OSBPL8: variants seen among roughly 807,000 people sequenced by gnomAD.
OSBPL8 encodes oxysterol-binding protein-related protein 8.
Under a neutral mutation model 125.5 loss-of-function variants are expected in OSBPL8, and 59 were observed. The ratio of observed to expected loss-of-function variants is 0.47; its 90% CI spans 0.38 to 0.58. The LOEUF (loss-of-function observed/expected upper bound fraction) is 0.58, where lower values mean the gene tolerates loss of function less well. Ranked by LOEUF, OSBPL8 falls within the 20% of genes least tolerant of loss-of-function variation. The pLI, the probability that OSBPL8 is intolerant of heterozygous loss-of-function variation, is 0.00. For missense variants in OSBPL8, 758 were observed against 1,047.8 expected (o/e 0.72, Z 3.82); for synonymous variants, 330 against 338.9 (o/e 0.97, Z 0.29).
At chr12:76,378,374 A>G (rs1952909077) in intron 16 of OSBPL8, 78 bp downstream of exon 16, 1 of 993,884 alleles carries the variant, frequency 1.0e-6, no homozygotes, top group Non-Finnish European at 1.5e-6. Context: ...ATCAATCACA[A>G]AGCATAACAA....
chr12:76,453,829 T>TA (rs1049830786), intron 3 of OSBPL8, among the ~76,000 whole-genome samples: 14 of 151,030 alleles, frequency 9.3e-5, no homozygotes, highest in South Asian at 6.3e-4. Context: ...AGAATGTTCT[T>TA]AAAAAAAAAC....
At chr12:76,413,601 C>T (rs1040089449) in intron 4 of OSBPL8, among the ~76,000 whole-genome samples, 5 of 152,092 alleles carry the variant, frequency 3.3e-5, no homozygotes, top group Admixed American at 6.5e-5. Flanking sequence ...TCTCCATAAC[C>T]GTAGTAACTT....
chr12:76,432,077 A>C (rs746804653), intron 4 of OSBPL8, among the ~76,000 whole-genome samples: 1 of 152,242 alleles, frequency 6.6e-6, no homozygotes, highest in Admixed American at 6.5e-5. Flanking sequence ...AAAAGTATCA[A>C]CTACTTACTG....
At chr12:76,438,389 A>G (rs370141043) in intron 4 of OSBPL8, among the ~76,000 whole-genome samples, 2 of 151,506 alleles carry the variant, frequency 1.3e-5, no homozygotes, top group East Asian at 3.9e-4. Flanking sequence ...TGCAACATCA[A>G]CCTTCCTGTA....
At chr12:76,378,042 G>A (rs1192977634) in intron 16 of OSBPL8, among the ~76,000 whole-genome samples, 3 of 152,024 alleles carry the variant, frequency 2.0e-5, no homozygotes, top group African/African-American at 7.2e-5. Flanking sequence ...CCAAATGAGG[G>A]TGAGAAAAAT....
At chr12:76,480,570 A>C (rs1296148765) in intron 2 of OSBPL8, among the ~76,000 whole-genome samples, 1 of 152,248 alleles carries the variant, frequency 6.6e-6, no homozygotes, top group Non-Finnish European at 1.5e-5. Context: ...TTATTTTAAC[A>C]TGAGAAAATA....
intron 3 of OSBPL8, among the ~76,000 whole-genome samples, chr12:76,451,277 C>T (rs970296894): frequency 1.3e-5 from 2 of 151,786 alleles, no homozygotes; most frequent in African/African-American, 4.8e-5. Context: ...TACTGTGTGC[C>T]TTTCATTGTG....
chr12:76,528,071 C>A (rs532391963), intron 1 of OSBPL8, among the ~76,000 whole-genome samples: 1 of 152,138 alleles, frequency 6.6e-6, no homozygotes, highest in Admixed American at 6.5e-5. Flanking sequence ...ACCTGTAATC[C>A]CAGCACTTTG....
intron 1 of OSBPL8, among the ~76,000 whole-genome samples, chr12:76,521,136 C>A (rs192619894): frequency 6.6e-6 from 1 of 152,194 alleles, no homozygotes; most frequent in African/African-American, 2.4e-5. Context: ...CACTAACTCA[C>A]CACTCAGCAT....
Position 76,546,656 on chromosome 12 carries a change from C to T in OSBPL8, c.-68+12741G>A, listed in dbSNP as rs573029656. On this transcript the variant is annotated intron_variant, in intron 1 of 23. Transcript: ENST00000261183. Reference sequence around the variant, plus strand: ...TAATAGAAGGAATAAAGGATTCAATCGGTCAACAAGAAATTAATCATGACA... The same window carrying T: ...TAATAGAAGGAATAAAGGATTCAATTGGTCAACAAGAAATTAATCATGACA... Among the ~76,000 whole-genome samples, 107 of 152,060 alleles carry T rather than the reference C, an allele frequency of 7.0e-4. 2 individuals are homozygous for T. In the South Asian group the frequency reaches 0.019, roughly 27 times the overall value.
intron 17 of OSBPL8, 100 bp from the exon 18 acceptor site, chr12:76,373,533 ACAGTACTATTGAATG>A (rs1952698675): frequency 1.3e-6 from 1 of 751,718 alleles, no homozygotes. Context: ...TTGTATAGTT[ACAGTACTATTGAATG>A]CACAAGCAGT....
intron 2 of OSBPL8, among the ~76,000 whole-genome samples, chr12:76,483,660 C>CTTTTTTTTTTT (rs869202382): frequency 3.5e-5 from 2 of 57,454 alleles, no homozygotes; most frequent in African/African-American, 8.0e-5. Flanking sequence ...CTGTAATAGT[C>CTTTTTTTTTTT]TTTTTTTTTT....
At chr12:76,406,429 T>G (rs916459242) in intron 5 of OSBPL8, among the ~76,000 whole-genome samples, 2 of 152,220 alleles carry the variant, frequency 1.3e-5, no homozygotes, top group African/African-American at 4.8e-5. Flanking sequence ...CAAAAACTCC[T>G]TATCCTTTTA....
intron 1 of OSBPL8, among the ~76,000 whole-genome samples, chr12:76,497,735 T>C (rs1879427411): frequency 6.6e-6 from 1 of 152,188 alleles, no homozygotes. Context: ...TAAGGTCCTT[T>C]TTTACTGTAC....
rs190050539 is a variant in OSBPL8, at chr12:76,459,308, T to C, written c.79+551A>G. On this transcript the variant is annotated intron_variant, in intron 3 of 23. Coordinates refer to ENST00000261183, the MANE Select transcript of OSBPL8 (RefSeq NM_020841.5). Reference sequence around the variant, plus strand: ...TTTATTCATTATGTACCTCCAAAAGTTGGCAGTGGCTGCCACTCCCTGCCC... The same window carrying C: ...TTTATTCATTATGTACCTCCAAAAGCTGGCAGTGGCTGCCACTCCCTGCCC... Among the ~76,000 whole-genome samples, 13 of 152,310 alleles carry C rather than the reference T, an allele frequency of 8.5e-5. No individual in the cohort carries two copies. The East Asian group carries it at 2.5e-3, about 29-fold the overall frequency.
At chr12:76,492,031 A>G (rs891836386) in intron 1 of OSBPL8, among the ~76,000 whole-genome samples, 30 of 152,138 alleles carry the variant, frequency 2.0e-4, no homozygotes, top group African/African-American at 7.2e-4. Context: ...CATGGAGCCT[A>G]TATTCTGGAA....
chr12:76,365,363 C>T (rs554758192), intron 21 of OSBPL8, among the ~76,000 whole-genome samples: 5 of 152,130 alleles, frequency 3.3e-5, no homozygotes, highest in Non-Finnish European at 7.4e-5. Flanking sequence ...CTTCCAGCTT[C>T]TTGGTTAAAT....
At chr12:76,504,143 CAG>C (rs1228749135) in intron 1 of OSBPL8, among the ~76,000 whole-genome samples, 2 of 150,902 alleles carry the variant, frequency 1.3e-5, no homozygotes, top group African/African-American at 4.9e-5. Flanking sequence ...AGACTGCCTT[CAG>C]ACTCAAGACT....
At chr12:76,360,186 C>T (rs1000821667) in intron 21 of OSBPL8, among the ~76,000 whole-genome samples, 11 of 152,180 alleles carry the variant, frequency 7.2e-5, no homozygotes, top group African/African-American at 1.4e-4. Context: ...AATGGGGGTA[C>T]AGGCATTGGG....
Sources: gnomAD v4.1 joint callset for allele counts (sites outside exome capture counted in the v4.1 genomes callset) on GRCh38, gnomAD v4.1.1 for gene constraint, MANE v1.5 for transcripts, NCBI Gene and HGNC (gene_info 2026-07-23, HGNC 2026-07-21) for gene names.